Variants in CSMD1 observed in about 807,000 individuals in gnomAD.
The protein encoded by CSMD1 is CUB and Sushi multiple domains 1.
Under a neutral mutation model 417.5 loss-of-function variants are expected in CSMD1, and 213 were observed. The ratio of observed to expected loss-of-function variants is 0.51; its 90% CI spans 0.46 to 0.57. The LOEUF (loss-of-function observed/expected upper bound fraction) is 0.57, where lower values mean the gene tolerates loss of function less well. CSMD1 is among the 20% of genes least tolerant of loss of function. The pLI is 0.00. For synonymous variants in CSMD1, 2,862 were observed against 1,736.8 expected (o/e 1.65, Z -16.11); for missense variants, 6,923 against 4,529.7 (o/e 1.53, Z -15.17).
intron 1 of CSMD1, among the ~76,000 whole-genome samples, chr8:4,922,237 T>A (rs543209535): frequency 3.9e-5 from 6 of 152,176 alleles, no homozygotes; most frequent in African/African-American, 1.2e-4. Flanking sequence ...GTACCTTCAG[T>A]TCTAATGGCA....
At chr8:4,736,008 A>G (rs77343108) in intron 1 of CSMD1, among the ~76,000 whole-genome samples, 8,267 of 152,236 alleles carry the variant, frequency 0.054, 354 homozygotes, top group East Asian at 0.25. Flanking sequence ...TTACATTTTT[A>G]TGGAGCTGCT....
At chr8:3,403,339 G>C (rs916956744) in intron 15 of CSMD1, among the ~76,000 whole-genome samples, 2 of 151,940 alleles carry the variant, frequency 1.3e-5, no homozygotes, top group African/African-American at 2.4e-5. Flanking sequence ...ACTTCTGAAA[G>C]TTGGCTTTCT....
At chr8:4,027,893 A>AT (rs548457388) in intron 4 of CSMD1, among the ~76,000 whole-genome samples, 48 of 152,188 alleles carry the variant, frequency 3.2e-4, no homozygotes, top group Non-Finnish European at 2.5e-4. Context: ...AGTAACTTTG[A>AT]TTTTTTTTCT....
intron 5 of CSMD1, among the ~76,000 whole-genome samples, chr8:3,788,090 G>A (rs1227840260): frequency 1.3e-5 from 2 of 152,158 alleles, no homozygotes; most frequent in Non-Finnish European, 1.5e-5. Flanking sequence ...TCTTTGGGAA[G>A]ACTTGCAACG....
chr8:3,355,614 C>T (rs950820357), intron 21 of CSMD1, among the ~76,000 whole-genome samples: 1 of 152,150 alleles, frequency 6.6e-6, no homozygotes, highest in African/African-American at 2.4e-5. Flanking sequence ...TGTGGGGCTA[C>T]AGCACTGTAT....
intron 14 of CSMD1, 24 bp downstream of exon 14, chr8:3,407,875 T>A (rs551102955): frequency 2.6e-5 from 41 of 1,566,654 alleles, no homozygotes; most frequent in Non-Finnish European, 3.4e-5. Context: ...AACTTGGATG[T>A]GTTGACTGTG....
intron 33 of CSMD1, among the ~76,000 whole-genome samples, chr8:3,191,236 C>G (rs1178773016): frequency 6.6e-6 from 1 of 152,124 alleles, no homozygotes; most frequent in Non-Finnish European, 1.5e-5. Context: ...GGGTGGATCA[C>G]TTGAGGTCGA....
At chr8:3,851,341 G>C (rs1803891845) in intron 5 of CSMD1, among the ~76,000 whole-genome samples, 1 of 152,162 alleles carries the variant, frequency 6.6e-6, no homozygotes, top group Admixed American at 6.5e-5. Flanking sequence ...CAACTTGATA[G>C]CCCATCCATT....
chr8:4,464,644 C>T (rs1417392570), intron 2 of CSMD1, among the ~76,000 whole-genome samples: 1 of 152,100 alleles, frequency 6.6e-6, no homozygotes, highest in Non-Finnish European at 1.5e-5. Context: ...CAAGTTGAAC[C>T]ATGGTAAGTC....
intron 2 of CSMD1, among the ~76,000 whole-genome samples, chr8:4,592,347 T>G (rs994683167): frequency 4.6e-5 from 7 of 151,924 alleles, no homozygotes; most frequent in African/African-American, 1.7e-4. Flanking sequence ...TTGTCACAAA[T>G]ATTTTAAAAA....
At position 3,621,989 on chromosome 8, in the gene CSMD1, G is replaced by C. The variant is rs866399482; in HGVS notation, c.1010-5192C>G. Among the ~76,000 whole-genome samples, 3 of 97,714 alleles carry C rather than the reference G, an allele frequency of 3.1e-5. No individual in the cohort carries two copies. The South Asian group carries it at 1.1e-3, about 35-fold the overall frequency. 64.1% of individuals were successfully genotyped at this position (97,714 alleles called of 152,430 possible). ...TCTCTCTCTCTCTTTGTGTGTGTGT[G>C]TATGTGTGTGTGTGTGTGTGTGTGT... On this transcript the variant is annotated intron_variant, in intron 7 of 69. Coordinates refer to ENST00000635120, the MANE Select transcript of CSMD1 (RefSeq NM_033225.6).
At chr8:3,264,946 A>G (rs1801327784) in intron 26 of CSMD1, among the ~76,000 whole-genome samples, 1 of 152,100 alleles carries the variant, frequency 6.6e-6, no homozygotes, top group Non-Finnish European at 1.5e-5. Flanking sequence ...TATATTCTTT[A>G]ATAACGATGA....
chr8:4,158,238 A>G (rs1043484412), intron 3 of CSMD1, among the ~76,000 whole-genome samples: 3 of 150,392 alleles, frequency 2.0e-5, no homozygotes, highest in African/African-American at 7.3e-5. Flanking sequence ...AGGACGGAGG[A>G]TCATGCCCCC....
chr8:4,121,573 A>ATT (rs11425170), intron 3 of CSMD1, among the ~76,000 whole-genome samples: 58 of 147,914 alleles, frequency 3.9e-4, no homozygotes, highest in Non-Finnish European at 6.0e-4. Flanking sequence ...TCAATCTTTT[A>ATT]TTTTTTTTTC....
intron 23 of CSMD1, among the ~76,000 whole-genome samples, chr8:3,340,337 T>C (rs1807564572): frequency 1.3e-5 from 2 of 152,202 alleles, no homozygotes; most frequent in African/African-American, 4.8e-5. Flanking sequence ...CTTTTATAAA[T>C]ATGAAGGGAT....
chr8:4,496,863 C>A (rs915219856), intron 2 of CSMD1, among the ~76,000 whole-genome samples: 1 of 152,120 alleles, frequency 6.6e-6, no homozygotes, highest in African/African-American at 2.4e-5. Flanking sequence ...TTTACAATAT[C>A]AGGACAGATC....
chr8:3,184,402 C>T (rs1217249392), intron 36 of CSMD1, among the ~76,000 whole-genome samples: 1 of 152,148 alleles, frequency 6.6e-6, no homozygotes, highest in East Asian at 1.9e-4. Flanking sequence ...AAACTTGAAC[C>T]TCATCAAATC....
At chr8:3,694,270 T>C (rs1462185852) in intron 7 of CSMD1, among the ~76,000 whole-genome samples, 1 of 152,004 alleles carries the variant, frequency 6.6e-6, no homozygotes, top group African/African-American at 2.4e-5. Context: ...CTGGTCATGC[T>C]CAGGGGTCCA....
intron 26 of CSMD1, among the ~76,000 whole-genome samples, chr8:3,256,446 C>T (rs56391109): frequency 0.1 from 15,666 of 152,148 alleles, 872 homozygotes; most frequent in Admixed American, 0.14. Context: ...TTCATTGTCC[C>T]CTTCTCCTAA....
Sources: allele counts gnomAD v4.1 joint callset (sites outside exome capture counted in the v4.1 genomes callset), GRCh38; gene constraint gnomAD v4.1.1; transcripts MANE v1.5; gene names NCBI Gene and HGNC (gene_info 2026-07-23, HGNC 2026-07-21).